The following BCL6B variants were observed in gnomAD, a reference collection of about 807,000 sequenced individuals.
BCL6B encodes the protein BCL6B transcription repressor.
In BCL6B, 28 loss-of-function variants were observed where a neutral mutation model predicts 44.6. That is an observed-to-expected ratio of 0.63 (90% CI 0.47 to 0.86). The LOEUF is 0.86. Ranked by LOEUF, BCL6B falls within the 40% of genes least tolerant of loss-of-function variation. BCL6B has a pLI of 0.00. For synonymous variants in BCL6B, 268 were observed against 263.6 expected (o/e 1.02, Z -0.16); for missense variants, 626 against 652.3 (o/e 0.96, Z 0.44).
rs1910384610 is a variant in BCL6B at position 7,029,101 on chromosome 17, T to C, written c.*1482T>C. ...TTTGCTGTAGTTTGGTTGGGATTAT[T>C]GTTGGCATTACAGATGTAAAAGATT... On this transcript the variant is annotated 3_prime_UTR_variant, in exon 9 of 9. Coordinates refer to ENST00000293805, the MANE Select transcript of BCL6B (RefSeq NM_181844.4). 8 of 985,524 alleles carry C rather than the reference T, an allele frequency of 8.1e-6. No individual in the cohort carries two copies. The highest frequency in any genetic ancestry group is 9.6e-6 in the Non-Finnish European group (8 of 829,992). The allele number at this position is 985,524 out of a possible 1,614,324, so 61.0% of individuals were successfully genotyped here. A position where few individuals can be genotyped will look rare whatever the true frequency, so the allele number is the denominator to read the frequency against.
intron 8 of BCL6B, 87 bp from the exon 9 acceptor site, chr17:7,027,416 A>T: frequency 1.4e-6 from 2 of 1,459,480 alleles, no homozygotes; most frequent in Non-Finnish European, 1.9e-6. Context: ...GATAGTTCCC[A>T]CCTGGGAGAG....
chr17:7,026,730 C>T lies in BCL6B; in HGVS notation c.1080C>T (p.Ile360=), dbSNP rs745776836. ...HTGEKPYHCS[I]CGARFNRPAN... ...GGGAAAAGCCTTACCACTGCTCAAT[C>T]TGCGGAGCCCGTTTTAACCGGCCAG... The change falls in exon 7 of 9, where the codon ATC becomes ATT. Residue 360 remains isoleucine, a synonymous_variant. Transcript: ENST00000293805. 1 of 1,614,258 alleles carries T rather than the reference C, an allele frequency of 6.2e-7. No homozygotes were observed. Among genetic ancestry groups the T allele is most frequent in the Non-Finnish European group, 8.5e-7 (1 of 1,180,054 alleles).
In BCL6B at chr17:7,024,770, A is replaced by T. The variant is rs1297733794; in HGVS notation, c.764+7A>T. ...TTCCTGGTCCCCAGAGCAGGTACAG[A>T]GTCTAGAACCTCAAGAATTTGTCAG... On this transcript the variant is annotated splice_region_variant and intron_variant, in intron 4 of 8. Coordinates refer to ENST00000293805, the MANE Select transcript of BCL6B (RefSeq NM_181844.4). This position sits in a 1 kb window ranked among gnomAD's most constrained non-coding sequence, Gnocchi z 6.6. The T allele has an allele frequency of 6.3e-7, 1 of 1,599,422 alleles. No individual in the cohort carries two copies. The highest frequency in any genetic ancestry group is 1.3e-5 in the African/African-American group (1 of 74,348).
chr17:7,023,626 C>A (rs371979086), intron 1 of BCL6B, 34 bp from the exon 2 acceptor site: 1 of 1,573,388 alleles, frequency 6.4e-7, no homozygotes. Context: ...CTTAGGACTG[C>A]CTGGATCCAG....
At position 7,029,183 on chromosome 17, in the gene BCL6B, G is replaced by C; in HGVS notation, c.*1564G>C. On this transcript the variant is annotated 3_prime_UTR_variant, in exon 9 of 9. Transcript: ENST00000293805. Reference sequence around the variant, plus strand: ...TTGACCAAGTTTCAAGTAGGATTAAGAGGTTGGTTGAGGGGTGCAGTTTCT... The same window carrying C: ...TTGACCAAGTTTCAAGTAGGATTAACAGGTTGGTTGAGGGGTGCAGTTTCT... The C allele has an allele frequency of 1.0e-6, 1 of 985,786 alleles. No homozygotes were observed. The highest frequency in any genetic ancestry group is 1.2e-6 in the Non-Finnish European group (1 of 830,196). 61.1% of individuals were successfully genotyped at this position (985,786 alleles called of 1,614,324 possible).
rs1229816358 is a variant in BCL6B at position 7,025,130 on chromosome 17, C to T, written c.819C>T (p.Thr273=). 2 of 1,614,162 alleles carry T rather than the reference C, an allele frequency of 1.2e-6. No homozygotes were observed. Among genetic ancestry groups the T allele is most frequent in the Middle Eastern group, 1.6e-4 (1 of 6,062 alleles). The change falls in exon 5 of 9, where the codon ACC becomes ACT. Residue 273 remains threonine (T), a synonymous_variant. Coordinates refer to ENST00000293805, the MANE Select transcript of BCL6B (RefSeq NM_181844.4). ...TCAAATGTGGGGCTCCAGCCAGTAC[C>T]CCCTACCTCCTCACATCCCAGGCTC... ...VQFKCGAPAS[T]PYLLTSQAQD...
rs776895041 is a variant in BCL6B, at chr17:7,027,543, T to C, written c.1364T>C (p.Leu455Pro). ...CTGCATTTCCGGCACAAGAGTCAACTGCGGCTGCATCTGCGCCAGAAACAC... is the reference window on the plus strand; with the variant it reads ...CTGCATTTCCGGCACAAGAGTCAACCGCGGCTGCATCTGCGCCAGAAACAC... The part of the protein sequence containing the change: ...CGLHFRHKSQ[L>P]RLHLRQKHGA... Residue 455 changes from leucine (L) to proline (P), a missense_variant, in exon 9 of 9, where the codon CTG becomes CCG. By Grantham distance (98) the Leu-to-Pro change is moderately conservative. Coordinates refer to ENST00000293805, the MANE Select transcript of BCL6B (RefSeq NM_181844.4). 7.4e-6 allele frequency: 12 copies of C among 1,613,736 alleles called. No individual in the cohort carries two copies. The South Asian group carries it at 1.2e-4, about 16-fold the overall frequency.
In BCL6B at chr17:7,024,626, A is replaced by T. The variant is rs954483093; in HGVS notation, c.627A>T (p.Ala209=). The stretch of plus-strand genomic sequence containing the variant: ...TGCTAAACTCTCAGGCCTCCCAAGC[A>T]GGGAGCCTGGTCGGGGAGAGAAGTT... ...YIVLNSQASQ[A]GSLVGERSSG... Residue 209 remains alanine (A), a synonymous_variant, in exon 4 of 9, where the codon GCA becomes GCT. Coordinates refer to ENST00000293805, the MANE Select transcript of BCL6B (RefSeq NM_181844.4). This position sits in a 1 kb window ranked among gnomAD's most constrained non-coding sequence, Gnocchi z 6.6. 1 of 1,614,160 alleles carries T rather than the reference A, an allele frequency of 6.2e-7. No homozygotes were observed. The highest frequency in any genetic ancestry group is 8.5e-7 in the Non-Finnish European group (1 of 1,180,032).
chr17:7,024,405 G>C lies in BCL6B; in HGVS notation c.406G>C (p.Glu136Gln). 2.5e-6 allele frequency: 4 copies of C among 1,612,866 alleles called. No homozygotes were observed. Among genetic ancestry groups the C allele is most frequent in the Non-Finnish European group, 3.4e-6 (4 of 1,179,310 alleles). ...ACHRFIQASYEPLGISLRPLE... is the reference protein window; with the variant it reads ...ACHRFIQASYQPLGISLRPLE... ...CGTTCATCACACTTTCCCCAGCTATGAACCTCTGGGCATCTCCCTGCGCCC... is the reference window on the plus strand; with the variant it reads ...CGTTCATCACACTTTCCCCAGCTATCAACCTCTGGGCATCTCCCTGCGCCC... Residue 136 changes from glutamate to glutamine, a missense_variant, in exon 4 of 9, where the codon GAA (glutamate) becomes CAA (glutamine). Glu to Gln is a conservative substitution (Grantham distance 29, BLOSUM62 2). Coordinates refer to ENST00000293805, the MANE Select transcript of BCL6B (RefSeq NM_181844.4). This position sits in a 1 kb window ranked among gnomAD's most constrained non-coding sequence, Gnocchi z 6.6.
chr17:7,029,584 G>T lies in BCL6B; in HGVS notation c.*1965G>T. The T allele has an allele frequency of 8.7e-7, 1 of 1,155,180 alleles. No individual in the cohort carries two copies. Among genetic ancestry groups the T allele is most frequent in the Non-Finnish European group, 1.1e-6 (1 of 923,514 alleles). 71.6% of individuals were successfully genotyped at this position (1,155,180 alleles called of 1,614,324 possible). A position where few individuals can be genotyped will look rare whatever the true frequency, so the allele number is the denominator to read the frequency against. ...GGATGGGCAGGTGGAGAATGCCTGGGGGTAGAAATGTTAGATCTTGCAACA... is the reference window on the plus strand; with the variant it reads ...GGATGGGCAGGTGGAGAATGCCTGGTGGTAGAAATGTTAGATCTTGCAACA... On this transcript the variant is annotated 3_prime_UTR_variant, in exon 9 of 9. Transcript: ENST00000293805.
chr17:7,025,694 G>A (rs533535160), intron 5 of BCL6B, among the ~76,000 whole-genome samples: 8 of 152,004 alleles, frequency 5.3e-5, no homozygotes, highest in African/African-American at 9.6e-5. Flanking sequence ...AAAATTAGCC[G>A]GGCACGGTGG....
intron 2 of BCL6B, 57 bp downstream of exon 2, chr17:7,023,907 C>T (rs1457078385): frequency 1.3e-6 from 2 of 1,581,218 alleles, no homozygotes; most frequent in Non-Finnish European, 1.7e-6. Context: ...GACCACAGGG[C>T]CGTTGAGAGG....
Position 7,028,576 on chromosome 17 carries a change from C to T in BCL6B, c.*957C>T, listed in dbSNP as rs1910368846. 2.4e-6 allele frequency: 2 copies of T among 841,870 alleles called. No homozygotes were observed. Among genetic ancestry groups the T allele is most frequent in the Admixed American group, 6.1e-4 (1 of 1,636 alleles). The allele number at this position is 841,870 out of a possible 1,614,324, so 52.2% of individuals were successfully genotyped here. A position where few individuals can be genotyped will look rare whatever the true frequency, so the allele number is the denominator to read the frequency against. ...CACTTGGGTTTGGCTCTGCTGTATCCATCTATAGTGGTAGAGACCCACCAG... is the reference window on the plus strand; with the variant it reads ...CACTTGGGTTTGGCTCTGCTGTATCTATCTATAGTGGTAGAGACCCACCAG... On this transcript the variant is annotated 3_prime_UTR_variant, in exon 9 of 9. Transcript: ENST00000293805.
rs778071837 is a variant in BCL6B at position 7,024,422 on chromosome 17, C to A, written c.423C>A (p.Ser141=). 6.2e-7 allele frequency: 1 copy of A among 1,613,616 alleles called. No individual in the cohort carries two copies. Among genetic ancestry groups the A allele is most frequent in the Non-Finnish European group, 8.5e-7 (1 of 1,179,838 alleles). The change falls in exon 4 of 9, where the codon TCC becomes TCA. Residue 141 remains serine, a synonymous_variant. Coordinates refer to ENST00000293805, the MANE Select transcript of BCL6B (RefSeq NM_181844.4). This position sits in a 1 kb window ranked among gnomAD's most constrained non-coding sequence, Gnocchi z 6.6. ...CCAGCTATGAACCTCTGGGCATCTC[C>A]CTGCGCCCCCTGGAAGCAGAACCCC... The part of the protein sequence containing the change: ...IQASYEPLGI[S]LRPLEAEPPT...
rs755951423 is a variant in BCL6B, at chr17:7,024,673, C to T, written c.674C>T (p.Ala225Val). The T allele has an allele frequency of 6.2e-7, 1 of 1,612,718 alleles. No homozygotes were observed. ...ERSSGQPCPQ[A>V]RLPSGDEASS... ...AGTTCTGGTCAACCTTGCCCCCAAG[C>T]CAGGCTCCCCAGTGGAGACGAGGCC... The change falls in exon 4 of 9, where the codon GCC (alanine) becomes GTC (valine). Residue 225 changes from alanine (A) to valine (V), a missense_variant. By Grantham distance (64) the Ala-to-Val change is moderately conservative. Coordinates refer to ENST00000293805, the MANE Select transcript of BCL6B (RefSeq NM_181844.4). The surrounding 1 kb of genome is among the most constrained non-coding windows in gnomAD (Gnocchi z 6.6).
chr17:7,029,580 C>A lies in BCL6B; in HGVS notation c.*1961C>A. The A allele has an allele frequency of 1.7e-6, 2 of 1,149,686 alleles. No individual in the cohort carries two copies. Among genetic ancestry groups the A allele is most frequent in the South Asian group, 1.7e-5 (1 of 57,770 alleles). 71.2% of individuals were successfully genotyped at this position (1,149,686 alleles called of 1,614,324 possible). Reference sequence around the variant, plus strand: ...GATTGGATGGGCAGGTGGAGAATGCCTGGGGGTAGAAATGTTAGATCTTGC... The same window carrying A: ...GATTGGATGGGCAGGTGGAGAATGCATGGGGGTAGAAATGTTAGATCTTGC... On this transcript the variant is annotated 3_prime_UTR_variant, in exon 9 of 9. Transcript: ENST00000293805.
At position 7,024,337 on chromosome 17, in the gene BCL6B, T is replaced by G. The variant is rs760448703; in HGVS notation, c.401+33T>G. 52 of 1,613,444 alleles carry G rather than the reference T, an allele frequency of 3.2e-5. No homozygotes were observed. Among genetic ancestry groups the G allele is most frequent in the Non-Finnish European group, 5.1e-6 (6 of 1,179,866 alleles). On this transcript the variant is annotated intron_variant, in intron 3 of 8. Transcript: ENST00000293805. The surrounding 1 kb of genome is among the most constrained non-coding windows in gnomAD (Gnocchi z 6.6). ...ACCCTGGCTCGGCGTTCTCTGTGGG[T>G]GAGGTGTTAAGGGCAAAGGCAGAGT...
At position 7,027,045 on chromosome 17, in the gene BCL6B, C is replaced by T. The variant is rs186677055; in HGVS notation, c.1281C>T (p.Leu427=). ...CCCGCTTCCGCCACCTGCAGACCCT[C>T]AAGAGCCACGTTCGCATCCACACCG... ...CGTRFRHLQT[L]KSHVRIHTGE... is the part of the protein sequence containing the mutation. The change falls in exon 8 of 9, where the codon CTC becomes CTT. Residue 427 remains leucine, a synonymous_variant. Coordinates refer to ENST00000293805, the MANE Select transcript of BCL6B (RefSeq NM_181844.4). The T allele has an allele frequency of 2.3e-3, 3,703 of 1,613,928 alleles. 9 individuals carry two copies. The highest frequency in any genetic ancestry group is 2.9e-3 in the Non-Finnish European group (3,426 of 1,180,002).
In BCL6B at chr17:7,024,555, A is replaced by C; in HGVS notation, c.556A>C (p.Ser186Arg). ...SCSQGPPSPA[S>R]PDPKACNWKK... ...CAGTCAAGGCCCCCCCAGTCCAGCC[A>C]GCCCTGACCCCAAGGCCTGCAACTG... The change falls in exon 4 of 9, where the codon AGC becomes CGC. Residue 186 changes from serine (S) to arginine (R), a missense_variant. Transcript: ENST00000293805. The surrounding 1 kb of genome is among the most constrained non-coding windows in gnomAD (Gnocchi z 6.6). 6.2e-7 allele frequency: 1 copy of C among 1,613,830 alleles called. No individual in the cohort carries two copies. Among genetic ancestry groups the C allele is most frequent in the Non-Finnish European group, 8.5e-7 (1 of 1,179,978 alleles).
Sources: gnomAD v4.1 joint callset for allele counts (sites outside exome capture counted in the v4.1 genomes callset) on GRCh38, gnomAD v4.1.1 for gene constraint, Gnocchi (gnomAD v3.1) non-coding constraint, MANE v1.5 for transcripts, NCBI Gene and HGNC (gene_info 2026-07-23, HGNC 2026-07-21) for gene names.